OR51B5: variants seen among roughly 807,000 people sequenced by gnomAD.
The protein encoded by OR51B5 is olfactory receptor family 51 subfamily B member 5, also known as olfactory receptor 51B5.
For missense variants in OR51B5, 456 were observed against 374.6 expected, an observed-to-expected ratio of 1.22 and a Z score of -1.79; for synonymous variants, 186 against 144.8, an observed-to-expected ratio of 1.28 and a Z score of -2.04.
intron 1 of OR51B5, chr11:5,505,346 C>T (rs1396791881): frequency 2.3e-6 from 3 of 1,303,892 alleles, no homozygotes; most frequent in Non-Finnish European, 2.0e-6. Flanking sequence ...ACCCAGAGAA[C>T]TCACCTCATG....
At chr11:5,351,550 T>C in intron 1 of OR51B5, 1 of 1,613,866 alleles carries the variant, frequency 6.2e-7, no homozygotes, top group East Asian at 2.2e-5. Context: ...GCTTACTGGC[T>C]TCCCAGGCAT....
Position 5,373,643 on chromosome 11 carries a change from G to C in OR51B5, n.85-26733C>G, listed in dbSNP as rs189954590. Among the ~76,000 whole-genome samples the C allele has an allele frequency of 1.5e-3, 228 of 152,270 alleles. 1 individual carries two copies. The highest frequency in any genetic ancestry group is 2.7e-3 in the Admixed American group (41 of 15,300). ...TCCCACCCGAATACTGTGCTTTTCTGACAGGCTTAGGAAATGGCGCACCAG... is the reference window on the plus strand; with the variant it reads ...TCCCACCCGAATACTGTGCTTTTCTCACAGGCTTAGGAAATGGCGCACCAG... On this transcript the variant is annotated intron_variant and non_coding_transcript_variant, in intron 1 of 4. Coordinates refer to the OR51B5 transcript ENST00000415970.
At chr11:5,355,764 A>T (rs1380988518) in intron 1 of OR51B5, among the ~76,000 whole-genome samples, 2 of 3,588 alleles carry the variant, frequency 5.6e-4, no homozygotes, top group African/African-American at 2.7e-3. Flanking sequence ...TTAAAAATTA[A>T]AAAAAAAAAA....
At chr11:5,405,738 CAAG>C (rs1188839037) in intron 1 of OR51B5, among the ~76,000 whole-genome samples, 2 of 152,316 alleles carry the variant, frequency 1.3e-5, no homozygotes, top group African/African-American at 4.8e-5. Context: ...AGTGCTTTTA[CAAG>C]AAGTCTTAAT....
chr11:5,456,634 G>T (rs1850964911), intron 1 of OR51B5: 1 of 152,024 alleles, frequency 6.6e-6, no homozygotes, highest in Admixed American at 6.6e-5. Flanking sequence ...TTTAATTTCA[G>T]GCAGTACATG....
At chr11:5,478,639 G>C (rs983613652) in intron 1 of OR51B5, among the ~76,000 whole-genome samples, 38 of 150,488 alleles carry the variant, frequency 2.5e-4, no homozygotes, top group Middle Eastern at 3.4e-3. Context: ...TGTATAACTA[G>C]AATAACCAAT....
At chr11:5,355,914 G>C (rs1849186742) in intron 1 of OR51B5, among the ~76,000 whole-genome samples, 1 of 152,200 alleles carries the variant, frequency 6.6e-6, no homozygotes, top group Non-Finnish European at 1.5e-5. Context: ...GCTGCAAGCT[G>C]AGGGTCCTGT....
chr11:5,430,089 T>C (rs562068756), intron 1 of OR51B5, among the ~76,000 whole-genome samples: 51 of 152,308 alleles, frequency 3.3e-4, no homozygotes, highest in African/African-American at 1.2e-3. Context: ...TATTGTTTGA[T>C]CAAGAACATT....
At chr11:5,435,378 ATATGT>A (rs1850578610) in intron 1 of OR51B5, among the ~76,000 whole-genome samples, 1 of 152,150 alleles carries the variant, frequency 6.6e-6, no homozygotes, top group Non-Finnish European at 1.5e-5. Context: ...TGCTCATGGA[ATATGT>A]TATTTTCTTG....
chr11:5,417,493 C>G (rs1203809684), intron 1 of OR51B5, among the ~76,000 whole-genome samples: 2 of 150,902 alleles, frequency 1.3e-5, no homozygotes, highest in Non-Finnish European at 3.0e-5. Context: ...AACAGGCAAC[C>G]CACAAAATGG....
At chr11:5,448,962 T>C (rs915246207) in intron 1 of OR51B5, among the ~76,000 whole-genome samples, 1 of 152,230 alleles carries the variant, frequency 6.6e-6, no homozygotes, top group African/African-American at 2.4e-5. Flanking sequence ...CCACTCAATA[T>C]ATTTAAAGAG....
At chr11:5,401,919 CTT>C (rs1204912236) in intron 1 of OR51B5, among the ~76,000 whole-genome samples, 3 of 143,792 alleles carry the variant, frequency 2.1e-5, no homozygotes, top group Non-Finnish European at 1.5e-5. Flanking sequence ...CTCTCTCTCT[CTT>C]CTTTCCTTTT....
At chr11:5,488,040 A>C (rs1851521874) in intron 1 of OR51B5, among the ~76,000 whole-genome samples, 1 of 152,160 alleles carries the variant, frequency 6.6e-6, no homozygotes, top group South Asian at 2.1e-4. Flanking sequence ...TCATTATATC[A>C]TTAATTTAAA....
At chr11:5,393,429 TATAA>T (rs1849826163) in intron 1 of OR51B5, among the ~76,000 whole-genome samples, 1 of 152,158 alleles carries the variant, frequency 6.6e-6, no homozygotes, top group African/African-American at 2.4e-5. Flanking sequence ...TGTAAAAGGC[TATAA>T]ATATTTGTAT....
At chr11:5,402,826 C>A (rs1849992441) in intron 1 of OR51B5, 1 of 471,564 alleles carries the variant, frequency 2.1e-6, no homozygotes, top group Admixed American at 2.3e-5. Context: ...GTTCGTGTCT[C>A]TGCATCCACC....
At chr11:5,421,312 C>G (rs549543654) in intron 1 of OR51B5, among the ~76,000 whole-genome samples, 1 of 152,348 alleles carries the variant, frequency 6.6e-6, no homozygotes, top group African/African-American at 2.4e-5. Context: ...GCTGAGAAAA[C>G]AGAAGCCACA....
At chr11:5,376,740 C>G (rs563375750) in intron 1 of OR51B5, among the ~76,000 whole-genome samples, 4 of 152,004 alleles carry the variant, frequency 2.6e-5, no homozygotes, top group African/African-American at 9.7e-5. Flanking sequence ...GACACATACA[C>G]TATCCCAAGA....
In OR51B5 at chr11:5,409,178, C is replaced by T. The variant is rs147477874; in HGVS notation, n.85-62268G>A. Among the ~76,000 whole-genome samples the T allele has an allele frequency of 4.5e-3, 692 of 152,162 alleles. 4 individuals carry two copies. Among genetic ancestry groups the T allele is most frequent in the African/African-American group, 0.016 (666 of 41,528 alleles). On this transcript the variant is annotated intron_variant and non_coding_transcript_variant, in intron 1 of 4. Coordinates refer to the OR51B5 transcript ENST00000415970. The stretch of plus-strand genomic sequence containing the variant: ...TCAAAGGCATTAGGAAGCTAGGAAG[C>T]TAGGAAGCAAGGGCAACAACAGGTT...
At chr11:5,404,585 G>A (rs1162449993) in intron 1 of OR51B5, among the ~76,000 whole-genome samples, 3 of 152,170 alleles carry the variant, frequency 2.0e-5, no homozygotes, top group Non-Finnish European at 2.9e-5. Flanking sequence ...GGCCAAATAA[G>A]GGAATAAAAG....
Sources: allele counts gnomAD v4.1 joint callset (sites outside exome capture counted in the v4.1 genomes callset), GRCh38; gene constraint gnomAD v4.1.1; transcripts MANE v1.5; gene names NCBI Gene and HGNC (gene_info 2026-07-23, HGNC 2026-07-21).